KCNT1: variants seen among roughly 807,000 people sequenced by gnomAD.
KCNT1 encodes the protein potassium sodium-activated channel subfamily T member 1.
A neutral mutation model predicts 147.8 loss-of-function variants in KCNT1; 78 were observed. The observed-to-expected ratio is 0.53, with a 90% confidence interval of 0.44 to 0.64. The LOEUF (loss-of-function observed/expected upper bound fraction) is 0.64, where lower values mean the gene tolerates loss of function less well. Ranked by LOEUF, KCNT1 falls within the 30% of genes least tolerant of loss-of-function variation. The probability of loss-of-function intolerance (pLI) is 0.00; values close to 1 mark genes in which losing one functional copy is unlikely to be tolerated. For missense variants in KCNT1, 1,419 were observed against 1,750.3 expected (o/e 0.81, Z 3.38); for synonymous variants, 867 against 748.8 (o/e 1.16, Z -2.58).
chr9:135,778,592 G>A (rs561111863), intron 22 of KCNT1, 96 bp from the exon 23 acceptor site: 1 of 1,601,702 alleles, frequency 6.2e-7, no homozygotes, highest in African/African-American at 1.3e-5. Flanking sequence ...GTGGGGTGGG[G>A]GGCTGAGGTC....
chr9:135,791,767 G>T, intron 29 of KCNT1, 30 bp from the exon 30 acceptor site: 7 of 1,601,660 alleles, frequency 4.4e-6, no homozygotes, highest in Non-Finnish European at 5.1e-6. Flanking sequence ...GGCTGGGGGG[G>T]TGACGTCTGC....
chr9:135,753,077 G>GATGAGGGGATGGATGGAGGA (rs1564347471), intron 4 of KCNT1, among the ~76,000 whole-genome samples: 1 of 145,640 alleles, frequency 6.9e-6, no homozygotes, highest in African/African-American at 2.6e-5. Context: ...GGGATGGATG[G>GATGAGGGGATGGATGGAGGA]ATGAGTGGAT....
At position 135,756,861 on chromosome 9, in the gene KCNT1, C is replaced by T; in HGVS notation, c.541-12C>T. 6.2e-7 allele frequency: 1 copy of T among 1,612,666 alleles called. No homozygotes were observed. Among genetic ancestry groups the T allele is most frequent in the Non-Finnish European group, 8.5e-7 (1 of 1,179,334 alleles). On this transcript the variant is annotated splice_polypyrimidine_tract_variant and intron_variant, in intron 6 of 30. Coordinates refer to ENST00000371757, the MANE Select transcript of KCNT1 (RefSeq NM_020822.3). ...GCCTGCTCCAGAGCTCCTTCCCTTT[C>T]CTGACTCCCAGGTCATCGTGGCCAT... is the stretch of plus-strand genomic sequence containing the variant.
chr9:135,784,422 GC>G (rs1833852148), intron 25 of KCNT1, 112 bp from the exon 26 acceptor site: 1 of 782,106 alleles, frequency 1.3e-6, no homozygotes, highest in Admixed American at 2.1e-5. Flanking sequence ...GGGGTGGCGA[GC>G]CCGTGGCCGG....
intron 29 of KCNT1, among the ~76,000 whole-genome samples, chr9:135,786,909 G>T (rs538118470): frequency 3.0e-4 from 45 of 152,246 alleles, no homozygotes; most frequent in Non-Finnish European, 5.1e-4. Context: ...AGGCAGCTGT[G>T]GGGTGGAGAG....
intron 2 of KCNT1, among the ~76,000 whole-genome samples, chr9:135,720,911 G>A (rs1047197946): frequency 7.2e-5 from 11 of 152,374 alleles, no homozygotes; most frequent in Non-Finnish European, 1.2e-4. Context: ...AGACTCAGGT[G>A]TAGCTGGAGC....
rs2131411543 is a variant in KCNT1, at chr9:135,751,043, TG to T, written c.434+5del. ...TGACCCGGCCCTGGGCATCGGATGG[TG>T]GGCCACGTGCGCGGCCGGGCGCGGG... On this transcript the variant is annotated splice_donor_region_variant and intron_variant, in intron 4 of 30. Coordinates refer to ENST00000371757, the MANE Select transcript of KCNT1 (RefSeq NM_020822.3). 1.2e-6 allele frequency: 2 copies of T among 1,609,554 alleles called. No individual in the cohort carries two copies. Among genetic ancestry groups the T allele is most frequent in the Non-Finnish European group, 8.5e-7 (1 of 1,179,544 alleles).
At chr9:135,781,361 C>T (rs1000605855) in intron 24 of KCNT1, among the ~76,000 whole-genome samples, 2 of 152,112 alleles carry the variant, frequency 1.3e-5, no homozygotes, top group East Asian at 3.9e-4. Context: ...GAGAGGGTGC[C>T]GTGGACCACC....
intron 1 of KCNT1, among the ~76,000 whole-genome samples, chr9:135,710,496 A>C (rs1287914013): frequency 6.6e-6 from 1 of 152,226 alleles, no homozygotes; most frequent in African/African-American, 2.4e-5. Context: ...CCGTGACTTG[A>C]GTCAGGACAG....
At chr9:135,744,307 T>C (rs1830704697) in intron 2 of KCNT1, among the ~76,000 whole-genome samples, 1 of 152,228 alleles carries the variant, frequency 6.6e-6, no homozygotes, top group African/African-American at 2.4e-5. Flanking sequence ...CGGCCGGCAC[T>C]TGCCTCAGAG....
At chr9:135,784,505 C>CCCTCCCT in intron 25 of KCNT1, 30 bp from the exon 26 acceptor site, 1 of 515,958 alleles carries the variant, frequency 1.9e-6, no homozygotes. Context: ...CTCCCTCCCT[C>CCCTCCCT]CCTCCCTCCC....
At chr9:135,737,530 G>A (rs959101124) in intron 2 of KCNT1, among the ~76,000 whole-genome samples, 2 of 152,232 alleles carry the variant, frequency 1.3e-5, no homozygotes, top group East Asian at 1.9e-4. Flanking sequence ...TCGTGGGCAC[G>A]GAACCTGTTC....
In KCNT1 at chr9:135,750,591, C is replaced by A. The variant is rs1286201707; in HGVS notation, c.335-351C>A. The A allele has an allele frequency of 4.3e-5, 20 of 462,680 alleles. No individual in the cohort carries two copies. In the South Asian group the frequency reaches 4.9e-4, roughly 11 times the overall value. The allele number at this position is 462,680 out of a possible 1,614,324, so 28.7% of individuals were successfully genotyped here. On this transcript the variant is annotated intron_variant, in intron 3 of 30. Transcript: ENST00000371757. Reference sequence around the variant, plus strand: ...CAGCCAGAGCTTGGCATCATGCTCCCCCCGGGATTGCAGGTGAGGACTTGG... The same window carrying A: ...CAGCCAGAGCTTGGCATCATGCTCCACCCGGGATTGCAGGTGAGGACTTGG...
chr9:135,704,677 G>A (rs1283863735), intron 1 of KCNT1, among the ~76,000 whole-genome samples: 1 of 152,226 alleles, frequency 6.6e-6, no homozygotes, highest in African/African-American at 2.4e-5. Flanking sequence ...CTTCCCAGCA[G>A]CTGTGCTCCA....
At chr9:135,770,157 G>T in intron 16 of KCNT1, 102 bp downstream of exon 16, 1 of 1,380,106 alleles carries the variant, frequency 7.2e-7, no homozygotes, top group Non-Finnish European at 9.9e-7. Context: ...CCCAGAGGAG[G>T]GGCACATGGC....
intron 29 of KCNT1, chr9:135,788,206 C>G: frequency 1.3e-6 from 2 of 1,526,734 alleles, no homozygotes; most frequent in Middle Eastern, 3.4e-4. Context: ...CAACGGGGCT[C>G]GCCAACCCTT....
At chr9:135,777,090 A>G (rs1414035813) in intron 20 of KCNT1, among the ~76,000 whole-genome samples, 1 of 152,200 alleles carries the variant, frequency 6.6e-6, no homozygotes, top group Non-Finnish European at 1.5e-5. Context: ...CCAAAACCAC[A>G]TGTTCACATG....
chr9:135,777,413 A>G lies in KCNT1; in HGVS notation c.2425A>G (p.Thr809Ala). 1 of 1,614,060 alleles carries G rather than the reference A, an allele frequency of 6.2e-7. No homozygotes were observed. The highest frequency in any genetic ancestry group is 8.5e-7 in the Non-Finnish European group (1 of 1,179,978). ...CAAGCTGATCATCGTCTCGGCAGAG[A>G]CGGCCGGCAATGGGCTGTACAACTT... ...KNKLIIVSAE[T>A]AGNGLYNFIV... The change falls in exon 21 of 31, where the codon ACG becomes GCG. Residue 809 changes from threonine to alanine, a missense_variant. By Grantham distance (58) the Thr-to-Ala change is moderately conservative. Coordinates refer to ENST00000371757, the MANE Select transcript of KCNT1 (RefSeq NM_020822.3).
chr9:135,784,208 C>G (rs2131572090), intron 25 of KCNT1, 83 bp downstream of exon 25: 1 of 1,093,214 alleles, frequency 9.1e-7, no homozygotes, highest in Non-Finnish European at 1.4e-6. Context: ...GGTCCCTGTT[C>G]TGAATGATAG....
Sources: allele counts gnomAD v4.1 joint callset (sites outside exome capture counted in the v4.1 genomes callset), GRCh38; gene constraint gnomAD v4.1.1; transcripts MANE v1.5; gene names NCBI Gene and HGNC (gene_info 2026-07-23, HGNC 2026-07-21).